DIP2B: variants seen among roughly 807,000 people sequenced by gnomAD.
DIP2B encodes the protein DIP2 acetate--CoA ligase B (putative).
A neutral mutation model predicts 198.0 loss-of-function variants in DIP2B; 76 were observed. That is an observed-to-expected ratio of 0.38 (90% confidence interval 0.32 to 0.46). The LOEUF (loss-of-function observed/expected upper bound fraction) is 0.46, where lower values mean the gene tolerates loss of function less well. Among genes scored for constraint, DIP2B ranks in the 20% least tolerant of loss-of-function variants. DIP2B has a pLI of 0.99. For synonymous variants in DIP2B, 701 were observed against 739.1 expected (o/e 0.95, Z 0.84); for missense variants, 1,559 against 1,978.4 (o/e 0.79, Z 4.02).
At chr12:50,654,190 G>A (rs1276932023) in intron 3 of DIP2B, among the ~76,000 whole-genome samples, 2 of 151,874 alleles carry the variant, frequency 1.3e-5, no homozygotes, top group South Asian at 4.2e-4. Flanking sequence ...GCTAATTTTG[G>A]ATTCGTTTGT....
intron 3 of DIP2B, among the ~76,000 whole-genome samples, chr12:50,650,197 T>TG (rs1349527300): frequency 6.6e-6 from 1 of 151,012 alleles, no homozygotes; most frequent in African/African-American, 2.4e-5. Context: ...GCAACAAGAG[T>TG]GAAACTCTGT....
intron 1 of DIP2B, among the ~76,000 whole-genome samples, chr12:50,526,814 T>G (rs1482978112): frequency 6.6e-6 from 1 of 152,020 alleles, no homozygotes; most frequent in Non-Finnish European, 1.5e-5. Flanking sequence ...TTTTGTATTT[T>G]TAGTAGAGAC....
In DIP2B at chr12:50,557,872, C is replaced by T. The variant is rs146912841; in HGVS notation, c.100+52632C>T. On this transcript the variant is annotated intron_variant, in intron 1 of 37. Transcript: ENST00000301180. ...TTCCAGAACAAGGAAAAATGCCAGG[C>T]GTGGTGGCTCCCACCCATAATCTCA... Among the ~76,000 whole-genome samples the T allele has an allele frequency of 4.7e-3, 720 of 152,220 alleles. 8 individuals are homozygous for T. Among genetic ancestry groups the T allele is most frequent in the African/African-American group, 0.016 (678 of 41,538 alleles).
At chr12:50,730,598 G>T (rs1414916462) in intron 30 of DIP2B, among the ~76,000 whole-genome samples, 3 of 151,906 alleles carry the variant, frequency 2.0e-5, no homozygotes, top group African/African-American at 7.3e-5. Context: ...TATTACCCAG[G>T]CTGGTCTTCA....
chr12:50,511,166 G>A (rs919540292), intron 1 of DIP2B, among the ~76,000 whole-genome samples: 17 of 150,918 alleles, frequency 1.1e-4, no homozygotes, highest in Non-Finnish European at 1.5e-5. Flanking sequence ...GGCTGGTCTC[G>A]AACTCTTGAC....
At chr12:50,582,489 G>A (rs1231877383) in intron 1 of DIP2B, among the ~76,000 whole-genome samples, 14 of 152,128 alleles carry the variant, frequency 9.2e-5, no homozygotes, top group African/African-American at 2.9e-4. Context: ...AGGAAGCAGA[G>A]TAGAATTCTA....
chr12:50,697,194 G>C lies in DIP2B; in HGVS notation c.2048+19G>C. ...TCCGCAGGTACTGTTCAGGATGTCA[G>C]ATGCTCTTGATGTATGTTACAACTT... On this transcript the variant is annotated intron_variant, in intron 17 of 37. Transcript: ENST00000301180. The C allele has an allele frequency of 1.2e-6, 2 of 1,601,392 alleles. No homozygotes were observed. Among genetic ancestry groups the C allele is most frequent in the South Asian group, 1.1e-5 (1 of 90,256 alleles).
chr12:50,733,570 G>A (rs779166215), intron 32 of DIP2B, among the ~76,000 whole-genome samples: 12 of 152,096 alleles, frequency 7.9e-5, no homozygotes, highest in Non-Finnish European at 1.0e-4. Context: ...TGGGCTTAGT[G>A]GTACATGCCT....
chr12:50,638,975 C>G (rs1938207417), intron 2 of DIP2B, among the ~76,000 whole-genome samples: 1 of 151,778 alleles, frequency 6.6e-6, no homozygotes, highest in Non-Finnish European at 1.5e-5. Context: ...GACAGGAGCT[C>G]AAAAAGTTTC....
At chr12:50,730,558 A>T (rs534581979) in intron 30 of DIP2B, among the ~76,000 whole-genome samples, 52 of 151,308 alleles carry the variant, frequency 3.4e-4, no homozygotes, top group Non-Finnish European at 5.8e-4. Flanking sequence ...TGTTAAAAAA[A>T]TTTTTTTTGT....
intron 1 of DIP2B, among the ~76,000 whole-genome samples, chr12:50,532,934 C>G (rs2139365404): frequency 6.6e-6 from 1 of 152,248 alleles, no homozygotes; most frequent in East Asian, 1.9e-4. Flanking sequence ...CTCCTCTGGC[C>G]CTCACCGGGC....
chr12:50,723,759 A>G (rs1361267373), intron 27 of DIP2B, among the ~76,000 whole-genome samples: 2 of 152,058 alleles, frequency 1.3e-5, no homozygotes, highest in East Asian at 1.9e-4. Context: ...AAAAAAAAAA[A>G]GTGTTTCCCC....
Position 50,505,257 on chromosome 12 carries a change from G to A in DIP2B, c.100+17G>A. The A allele has an allele frequency of 6.7e-7, 1 of 1,485,392 alleles. No individual in the cohort carries two copies. Among genetic ancestry groups the A allele is most frequent in the Non-Finnish European group, 8.9e-7 (1 of 1,125,710 alleles). The allele number at this position is 1,485,392 out of a possible 1,614,324, so 92.0% of individuals were successfully genotyped here. ...TCTCGGAGGGTAGGAGCCGGGCCGGGGAGAGGGCGCCCGGGGCCCTGCGGA... is the reference window on the plus strand; with the variant it reads ...TCTCGGAGGGTAGGAGCCGGGCCGGAGAGAGGGCGCCCGGGGCCCTGCGGA... On this transcript the variant is annotated intron_variant, in intron 1 of 37. Coordinates refer to ENST00000301180, the MANE Select transcript of DIP2B (RefSeq NM_173602.3).
chr12:50,693,995 A>AT (rs1220979463), intron 14 of DIP2B, among the ~76,000 whole-genome samples: 4 of 152,126 alleles, frequency 2.6e-5, no homozygotes, highest in Non-Finnish European at 5.9e-5. Flanking sequence ...GAGACCCTAA[A>AT]TTGCATGACC....
intron 3 of DIP2B, among the ~76,000 whole-genome samples, chr12:50,647,197 A>C (rs2139494827): frequency 6.6e-6 from 1 of 151,760 alleles, no homozygotes; most frequent in East Asian, 1.9e-4. Context: ...CTACAGACAA[A>C]CCCTGTCATG....
rs180818398 is a variant in DIP2B, at chr12:50,567,645, A to C, written c.101-58331A>C. On this transcript the variant is annotated intron_variant, in intron 1 of 37. Coordinates refer to ENST00000301180, the MANE Select transcript of DIP2B (RefSeq NM_173602.3). ...CGGGTTCAAGCAATTCTCCTGCTTC[A>C]GCCTCCCAAGTAGCTGGGATTACAG... Among the ~76,000 whole-genome samples, 118 of 152,228 alleles carry C rather than the reference A, an allele frequency of 7.8e-4. 3 individuals are homozygous for C. The highest frequency in any genetic ancestry group is 6.4e-3 in the Admixed American group (98 of 15,282).
In DIP2B at chr12:50,723,290, G is replaced by A. The variant is rs368662580; in HGVS notation, c.3255G>A (p.Thr1085=). 6.2e-6 allele frequency: 10 copies of A among 1,614,000 alleles called. No individual in the cohort carries two copies. The highest frequency in any genetic ancestry group is 8.5e-6 in the Non-Finnish European group (10 of 1,180,030). Residue 1085 remains threonine, a synonymous_variant, in exon 27 of 38, where the codon ACG becomes ACA. Coordinates refer to ENST00000301180, the MANE Select transcript of DIP2B (RefSeq NM_173602.3). Reference sequence around the variant, plus strand: ...GACCTCCACATGCTCAGAACCTCACGGCCACGCTGCCCACTGTCCGAATGA... The same window carrying A: ...GACCTCCACATGCTCAGAACCTCACAGCCACGCTGCCCACTGTCCGAATGA... ...TVRPPHAQNL[T]ATLPTVRMIV...
chr12:50,589,547 A>T (rs1958801095), intron 1 of DIP2B, among the ~76,000 whole-genome samples: 1 of 152,176 alleles, frequency 6.6e-6, no homozygotes, highest in African/African-American at 2.4e-5. Flanking sequence ...GAGCTGAGAC[A>T]TGAATGAGGA....
At chr12:50,596,829 T>C (rs1163108628) in intron 1 of DIP2B, among the ~76,000 whole-genome samples, 1 of 152,206 alleles carries the variant, frequency 6.6e-6, no homozygotes, top group Non-Finnish European at 1.5e-5. Context: ...ATAAATCTTA[T>C]TTACGTGTTT....
Sources: gnomAD v4.1 joint callset for allele counts (sites outside exome capture counted in the v4.1 genomes callset) on GRCh38, gnomAD v4.1.1 for gene constraint, MANE v1.5 for transcripts, NCBI Gene and HGNC (gene_info 2026-07-23, HGNC 2026-07-21) for gene names.